GSTCD: variants seen among roughly 807,000 people sequenced by gnomAD.
The protein encoded by GSTCD is glutathione S-transferase C-terminal domain containing.
A neutral mutation model predicts 68.3 loss-of-function variants in GSTCD; 44 were observed. The observed-to-expected ratio is 0.64, with a 90% CI of 0.51 to 0.83. The LOEUF (loss-of-function observed/expected upper bound fraction) is 0.83, where lower values mean the gene tolerates loss of function less well. Among genes scored for constraint, GSTCD ranks in the 40% least tolerant of loss-of-function variants. The pLI is 0.00. For missense variants in GSTCD, 739 were observed against 735.9 expected, an observed-to-expected ratio of 1.00 and a Z score of -0.05; for synonymous variants, 273 against 255.2, an observed-to-expected ratio of 1.07 and a Z score of -0.67.
chr4:105,719,556 A>G (rs1732797818), intron 3 of GSTCD, 29 bp downstream of exon 3: 1 of 1,501,596 alleles, frequency 6.7e-7, no homozygotes, highest in South Asian at 1.1e-5. Context: ...TGTACACATT[A>G]CTATGAGTTT....
chr4:105,714,599 A>G (rs1330682630), intron 1 of GSTCD, among the ~76,000 whole-genome samples: 2 of 151,806 alleles, frequency 1.3e-5, no homozygotes, highest in African/African-American at 2.4e-5. Context: ...TAAAAATTAT[A>G]TTAGTACATA....
intron 10 of GSTCD, among the ~76,000 whole-genome samples, chr4:105,841,674 G>GA (rs35198239): frequency 0.72 from 108,384 of 150,128 alleles, 41,907 homozygotes; most frequent in East Asian, 0.9. Flanking sequence ...CGTTTCTATT[G>GA]AAAAAAAAAT....
rs1732410914 is a variant in GSTCD, at chr4:105,708,885, G to C, written c.-153G>C. ...TTTTTCTCCTGGCGTCTGTGGAGGCGAGTGGTCTGCGGGCAGCAGCTCCCA... is the reference window on the plus strand; with the variant it reads ...TTTTTCTCCTGGCGTCTGTGGAGGCCAGTGGTCTGCGGGCAGCAGCTCCCA... On this transcript the variant is annotated 5_prime_UTR_variant, in exon 1 of 12. Coordinates refer to ENST00000515279, the MANE Select transcript of GSTCD (RefSeq NM_001370181.1). The C allele has an allele frequency of 6.5e-6, 1 of 152,718 alleles. No individual in the cohort carries two copies. Among genetic ancestry groups the C allele is most frequent in the Non-Finnish European group, 1.5e-5 (1 of 68,152 alleles). The allele number at this position is 152,718 out of a possible 1,614,324, so 9.5% of individuals were successfully genotyped here. A position where few individuals can be genotyped will look rare whatever the true frequency, so the allele number is the denominator to read the frequency against.
rs529849994 is a variant in GSTCD at position 105,795,454 on chromosome 4, G to T, written c.1241-27500G>T. On this transcript the variant is annotated intron_variant, in intron 5 of 11. Transcript: ENST00000515279. ...GTTTAAGGACAGTTTTTGTTGCATT[G>T]TGAGCAGAATCTCTAATCCAGTGTA... 1.2e-4 allele frequency among the ~76,000 whole-genome samples: 19 copies of T among 152,110 alleles called. No individual in the cohort carries two copies. The East Asian group carries it at 3.3e-3, about 26-fold the overall frequency.
chr4:105,775,040 G>A (rs1734999877), intron 5 of GSTCD, among the ~76,000 whole-genome samples: 1 of 152,104 alleles, frequency 6.6e-6, no homozygotes, highest in Non-Finnish European at 1.5e-5. Context: ...ATTTCTTGGA[G>A]GCTTTGTTCA....
At chr4:105,780,546 T>C (rs1405676067) in intron 5 of GSTCD, among the ~76,000 whole-genome samples, 1 of 152,216 alleles carries the variant, frequency 6.6e-6, no homozygotes, top group East Asian at 1.9e-4. Context: ...TATTTGAGCA[T>C]GTCATTATGA....
chr4:105,720,425 T>A (rs769482800), intron 3 of GSTCD, among the ~76,000 whole-genome samples: 1 of 152,212 alleles, frequency 6.6e-6, no homozygotes, highest in Non-Finnish European at 1.5e-5. Context: ...CACCAACAAT[T>A]CAGGTATCTC....
At chr4:105,766,955 A>G (rs1382699825) in intron 5 of GSTCD, among the ~76,000 whole-genome samples, 2 of 115,652 alleles carry the variant, frequency 1.7e-5, no homozygotes, top group African/African-American at 7.1e-5. Context: ...GTTCCAGTAT[A>G]TAAGTATGAT....
intron 9 of GSTCD, among the ~76,000 whole-genome samples, chr4:105,836,349 G>GA (rs1157316528): frequency 6.6e-6 from 1 of 152,166 alleles, no homozygotes; most frequent in Non-Finnish European, 1.5e-5. Context: ...GGTGGGCCTG[G>GA]AAAAAGCACT....
intron 1 of GSTCD, among the ~76,000 whole-genome samples, chr4:105,711,414 A>G (rs1230450282): frequency 2.0e-5 from 3 of 151,918 alleles, no homozygotes; most frequent in Non-Finnish European, 4.4e-5. Flanking sequence ...GTTTTTTTTC[A>G]GTATTTGGTT....
At chr4:105,749,256 A>G (rs971954094) in intron 5 of GSTCD, among the ~76,000 whole-genome samples, 2 of 152,008 alleles carry the variant, frequency 1.3e-5, no homozygotes, top group African/African-American at 4.8e-5. Flanking sequence ...AAAGGTTTTT[A>G]AAAATTTCAC....
In GSTCD at chr4:105,708,862, T is replaced by TA. The variant is rs1464219679; in HGVS notation, c.-176_-175insA. 6.5e-6 allele frequency: 1 copy of TA among 152,894 alleles called. No individual in the cohort carries two copies. Among genetic ancestry groups the TA allele is most frequent in the East Asian group, 1.9e-4 (1 of 5,186 alleles). 9.5% of individuals were successfully genotyped at this position (152,894 alleles called of 1,614,324 possible). A position where few individuals can be genotyped will look rare whatever the true frequency, so the allele number is the denominator to read the frequency against. The stretch of plus-strand genomic sequence containing the variant: ...TTTTCCACATAAGGTGGCTGTCGTT[T>TA]TTCTCCTGGCGTCTGTGGAGGCGAG... On this transcript the variant is annotated 5_prime_UTR_variant, in exon 1 of 12. An upstream open reading frame in the 5' UTR loses its in-frame stop. Coordinates refer to ENST00000515279, the MANE Select transcript of GSTCD (RefSeq NM_001370181.1).
At chr4:105,771,202 C>G (rs1287179016) in intron 5 of GSTCD, among the ~76,000 whole-genome samples, 1 of 151,786 alleles carries the variant, frequency 6.6e-6, no homozygotes, top group Non-Finnish European at 1.5e-5. Context: ...TATACTTCGC[C>G]AACTTTTTGA....
At chr4:105,792,501 C>G (rs1560831364) in intron 5 of GSTCD, among the ~76,000 whole-genome samples, 1 of 151,896 alleles carries the variant, frequency 6.6e-6, no homozygotes, top group Non-Finnish European at 1.5e-5. Flanking sequence ...AAACATTGAC[C>G]TGGAGAAATC....
intron 5 of GSTCD, among the ~76,000 whole-genome samples, chr4:105,748,423 A>G (rs527243614): frequency 6.6e-6 from 1 of 152,238 alleles, no homozygotes; most frequent in South Asian, 2.1e-4. Context: ...ACCTGCCCAT[A>G]TTTGACTCAG....
intron 5 of GSTCD, among the ~76,000 whole-genome samples, chr4:105,760,022 A>G (rs35808787): frequency 0.054 from 8,186 of 152,190 alleles, 252 homozygotes; most frequent in Middle Eastern, 0.14. Context: ...GATCTGAGAA[A>G]CAGTGCAAAG....
At chr4:105,839,930 T>C (rs1186389425) in intron 10 of GSTCD, among the ~76,000 whole-genome samples, 1 of 152,154 alleles carries the variant, frequency 6.6e-6, no homozygotes, top group Non-Finnish European at 1.5e-5. Flanking sequence ...AGTACACCAG[T>C]CATAACCTTT....
Position 105,749,392 on chromosome 4 carries a change from GA to G in GSTCD, c.1240+19902del, listed in dbSNP as rs1014042606. Among the ~76,000 whole-genome samples, 314 of 151,288 alleles carry G rather than the reference GA, an allele frequency of 2.1e-3. 3 individuals carry two copies. Among genetic ancestry groups the G allele is most frequent in the Middle Eastern group, 0.011 (3 of 280 alleles). On this transcript the variant is annotated intron_variant, in intron 5 of 11. Transcript: ENST00000515279. ...ACAAGCTTATTCTAAATTTTATATG[GA>G]AAAAAAAATTTGAAAAAGAGCAACA...
chr4:105,843,350 A>G (rs572786101), intron 11 of GSTCD: 1 of 152,222 alleles, frequency 6.6e-6, no homozygotes, highest in East Asian at 1.9e-4. Context: ...TCCTTTTCCC[A>G]TCTCCAACAC....
Sources: gnomAD v4.1 joint callset for allele counts (sites outside exome capture counted in the v4.1 genomes callset) on GRCh38, gnomAD v4.1.1 for gene constraint, MANE v1.5 for transcripts, NCBI Gene and HGNC (gene_info 2026-07-23, HGNC 2026-07-21) for gene names.